TBCK: variants seen among roughly 807,000 people sequenced by gnomAD.
TBCK encodes the protein TBC1 domain containing kinase, also known as TBC domain-containing protein kinase-like protein.
In TBCK, 99 loss-of-function variants were observed where a neutral mutation model predicts 113.4. That is an observed-to-expected ratio of 0.87 (90% CI 0.74 to 1.03). The LOEUF (loss-of-function observed/expected upper bound fraction) is 1.03, where lower values mean the gene tolerates loss of function less well. Ranked by LOEUF, TBCK falls within the 50% of genes least tolerant of loss-of-function variation. TBCK has a pLI of 0.00. For synonymous variants in TBCK, 369 were observed against 370.8 expected (o/e 1.00, Z 0.05); for missense variants, 1,045 against 1,061.3 (o/e 0.98, Z 0.21).
intron 25 of TBCK, among the ~76,000 whole-genome samples, chr4:106,052,706 T>C (rs937430400): frequency 1.3e-5 from 2 of 151,742 alleles, no homozygotes; most frequent in African/African-American, 4.8e-5. Flanking sequence ...AAAGTTACTA[T>C]CTTTATTTCA....
At chr4:106,162,337 A>G (rs1579089669) in intron 23 of TBCK, among the ~76,000 whole-genome samples, 1 of 152,132 alleles carries the variant, frequency 6.6e-6, no homozygotes, top group East Asian at 1.9e-4. Context: ...CACTGCTTTC[A>G]TAGGATGGTG....
intron 20 of TBCK, among the ~76,000 whole-genome samples, chr4:106,204,751 A>AT (rs34775295): frequency 0.1 from 9,041 of 87,206 alleles, 895 homozygotes; most frequent in African/African-American, 0.12. Context: ...ACAAACAATG[A>AT]TTTTTTTTTT....
chr4:106,256,087 A>G (rs1021463099), intron 5 of TBCK, among the ~76,000 whole-genome samples: 1 of 152,128 alleles, frequency 6.6e-6, no homozygotes, highest in Non-Finnish European at 1.5e-5. Flanking sequence ...CAGGGTTTTT[A>G]TGGTCCTCAG....
chr4:106,198,034 T>C (rs1371033402), intron 20 of TBCK, among the ~76,000 whole-genome samples: 1 of 151,880 alleles, frequency 6.6e-6, no homozygotes, highest in Non-Finnish European at 1.5e-5. Context: ...ATTCCTCTGT[T>C]CCACCACATC....
At chr4:106,175,862 A>G (rs1167794063) in intron 22 of TBCK, among the ~76,000 whole-genome samples, 1 of 152,118 alleles carries the variant, frequency 6.6e-6, no homozygotes, top group Non-Finnish European at 1.5e-5. Context: ...TTAATAGGTC[A>G]TATTTTTGTT....
rs1336763720 is a variant in TBCK at position 106,251,780 on chromosome 4, ATAC to A, written c.597+83_597+85del. Reference sequence around the variant, plus strand: ...TGTAATTAATTTGTACAGCAAAAACATACTATTATTAACTTTCCTCTCCAAAAG... The same window carrying A: ...TGTAATTAATTTGTACAGCAAAAACATATTATTAACTTTCCTCTCCAAAAG... On this transcript the variant is annotated intron_variant, in intron 6 of 25. Coordinates refer to ENST00000394708, the MANE Select transcript of TBCK (RefSeq NM_001163435.3). 9 of 1,190,258 alleles carry A rather than the reference ATAC, an allele frequency of 7.6e-6. No homozygotes were observed. The Admixed American group carries it at 2.9e-4, about 38-fold the overall frequency. 73.7% of individuals were successfully genotyped at this position (1,190,258 alleles called of 1,614,324 possible).
Position 106,285,925 on chromosome 4 carries a change from T to C in TBCK, c.266+9169A>G, listed in dbSNP as rs1475318752. Among the ~76,000 whole-genome samples, 4 of 152,348 alleles carry C rather than the reference T, an allele frequency of 2.6e-5. No homozygotes were observed. The East Asian group carries it at 5.8e-4, about 22-fold the overall frequency. On this transcript the variant is annotated intron_variant, in intron 3 of 25. Coordinates refer to ENST00000394708, the MANE Select transcript of TBCK (RefSeq NM_001163435.3). ...TTGCAGTACATCAACTCTACACATA[T>C]ACCTGCTCTGTTACTGGAGACTAAT...
chr4:106,306,690 C>T (rs1180261617), intron 2 of TBCK, among the ~76,000 whole-genome samples: 1 of 152,152 alleles, frequency 6.6e-6, no homozygotes, highest in Non-Finnish European at 1.5e-5. Context: ...AATAAATCTT[C>T]AACTCATCAG....
Position 106,126,160 on chromosome 4 carries a change from CTCAGT to C in TBCK, c.2236-9787_2236-9783del, listed in dbSNP as rs1324076482. Among the ~76,000 whole-genome samples, 6 of 152,170 alleles carry C rather than the reference CTCAGT, an allele frequency of 3.9e-5. No individual in the cohort carries two copies. The East Asian group carries it at 1.2e-3, about 29-fold the overall frequency. On this transcript the variant is annotated intron_variant, in intron 23 of 25. Transcript: ENST00000394708. ...ATAAATCCCTGCTTGCCTTTCAAAT[CTCAGT>C]TCAAACACTACTTTCTCTGTGAAGA... is the stretch of plus-strand genomic sequence containing the variant.
intron 25 of TBCK, among the ~76,000 whole-genome samples, chr4:106,091,281 A>G (rs1359950871): frequency 1.3e-5 from 2 of 152,202 alleles, no homozygotes; most frequent in African/African-American, 4.8e-5. Flanking sequence ...AGACTTTTAA[A>G]CAACGAGCTC....
intron 25 of TBCK, among the ~76,000 whole-genome samples, chr4:106,084,293 A>G (rs775259881): frequency 1.3e-5 from 2 of 152,208 alleles, no homozygotes; most frequent in Non-Finnish European, 2.9e-5. Flanking sequence ...TGAAGAATAC[A>G]TGAGTATCAA....
At chr4:106,117,922 T>C (rs942805934) in intron 23 of TBCK, among the ~76,000 whole-genome samples, 3 of 150,540 alleles carry the variant, frequency 2.0e-5, no homozygotes, top group Admixed American at 6.7e-5. Context: ...GACAGGAGAA[T>C]GGCGTGAACC....
intron 3 of TBCK, among the ~76,000 whole-genome samples, chr4:106,290,150 C>A (rs1050712018): frequency 1.3e-5 from 2 of 151,958 alleles, no homozygotes; most frequent in South Asian, 2.1e-4. Flanking sequence ...TAAATTTGAA[C>A]TAGTGAGCAA....
chr4:106,295,084 T>C lies in TBCK; in HGVS notation c.266+10A>G, dbSNP rs1427136006. The C allele has an allele frequency of 3.1e-6, 5 of 1,589,872 alleles. No individual in the cohort carries two copies. The highest frequency in any genetic ancestry group is 3.0e-5 in the African/African-American group (2 of 67,196). ...GCTTTTCATTTAATTGTTCTGATAC[T>C]ATACAGTACCTCACAGGTTTCCTTT... On this transcript the variant is annotated intron_variant, in intron 3 of 25. Transcript: ENST00000394708.
chr4:106,261,315 C>A (rs1238519428), intron 4 of TBCK, among the ~76,000 whole-genome samples: 1 of 152,008 alleles, frequency 6.6e-6, no homozygotes, highest in African/African-American at 2.4e-5. Flanking sequence ...CAGGGTCTCA[C>A]ACTGTCATCC....
At chr4:106,129,036 T>G (rs987956942) in intron 23 of TBCK, among the ~76,000 whole-genome samples, 1 of 152,218 alleles carries the variant, frequency 6.6e-6, no homozygotes, top group African/African-American at 2.4e-5. Context: ...TTTATTTTGT[T>G]CTTTATTATT....
At chr4:106,098,333 T>G (rs1191914400) in intron 24 of TBCK, among the ~76,000 whole-genome samples, 1 of 152,046 alleles carries the variant, frequency 6.6e-6, no homozygotes. Context: ...TTTAAAAAGC[T>G]ACAGCTTCAA....
chr4:106,209,409 C>T (rs977244563), intron 20 of TBCK, among the ~76,000 whole-genome samples: 1 of 152,010 alleles, frequency 6.6e-6, no homozygotes, highest in Non-Finnish European at 1.5e-5. Flanking sequence ...AATAGAAGCC[C>T]CTTTTGTACT....
intron 24 of TBCK, among the ~76,000 whole-genome samples, chr4:106,104,924 T>C (rs960280435): frequency 6.6e-6 from 1 of 152,226 alleles, no homozygotes; most frequent in Non-Finnish European, 1.5e-5. Flanking sequence ...GTGGGCAGAC[T>C]ATTACATGGG....
Sources: allele counts gnomAD v4.1 joint callset (sites outside exome capture counted in the v4.1 genomes callset), GRCh38; gene constraint gnomAD v4.1.1; transcripts MANE v1.5; gene names NCBI Gene and HGNC (gene_info 2026-07-23, HGNC 2026-07-21).